The following PRKD1 variants were observed in gnomAD, a reference collection of about 807,000 sequenced individuals.
The protein encoded by PRKD1 is serine/threonine-protein kinase D1.
In PRKD1, 63 loss-of-function variants were observed where a neutral mutation model predicts 95.9. That is an observed-to-expected ratio of 0.66 (90% CI 0.54 to 0.81). PRKD1 has a LOEUF of 0.81. PRKD1 is among the 30% of genes least tolerant of loss of function. PRKD1 has a pLI of 0.00. For synonymous variants in PRKD1, 425 were observed against 423.1 expected (o/e 1.00, Z -0.05); for missense variants, 1,048 against 1,165.3 (o/e 0.90, Z 1.47).
At chr14:29,676,030 A>G (rs890809371) in intron 2 of PRKD1, among the ~76,000 whole-genome samples, 8 of 151,152 alleles carry the variant, frequency 5.3e-5, no homozygotes, top group African/African-American at 1.7e-4. Context: ...CCTAATGTAA[A>G]TGACGCGTTA....
intron 2 of PRKD1, among the ~76,000 whole-genome samples, chr14:29,675,997 G>A (rs1479832716): frequency 8.8e-6 from 1 of 114,154 alleles, no homozygotes; most frequent in African/African-American, 3.3e-5. Flanking sequence ...GGGGTGGGGG[G>A]AGGGATAACA....
At chr14:29,922,117 C>T (rs541797028) in intron 1 of PRKD1, among the ~76,000 whole-genome samples, 5 of 151,684 alleles carry the variant, frequency 3.3e-5, no homozygotes, top group East Asian at 3.9e-4. Context: ...CTGGATAACA[C>T]GGTGAAACCC....
chr14:29,826,722 C>CAT (rs1214723122), intron 1 of PRKD1, among the ~76,000 whole-genome samples: 2 of 67,146 alleles, frequency 3.0e-5, no homozygotes, highest in Admixed American at 1.9e-4. Flanking sequence ...TATATATATA[C>CAT]ATATATATAC....
intron 1 of PRKD1, among the ~76,000 whole-genome samples, chr14:29,783,569 C>T (rs1400821295): frequency 1.3e-5 from 2 of 152,172 alleles, no homozygotes; most frequent in African/African-American, 4.8e-5. Flanking sequence ...TTCTAAGAAG[C>T]CTCCATACAT....
intron 1 of PRKD1, among the ~76,000 whole-genome samples, chr14:29,791,033 G>A (rs1025748455): frequency 2.0e-5 from 3 of 152,108 alleles, no homozygotes; most frequent in African/African-American, 7.2e-5. Flanking sequence ...ACTCACATGT[G>A]TGGAAAACCA....
chr14:29,689,499 A>C (rs1884104453), intron 2 of PRKD1, among the ~76,000 whole-genome samples: 1 of 152,170 alleles, frequency 6.6e-6, no homozygotes, highest in Non-Finnish European at 1.5e-5. Flanking sequence ...TGCAGAGAAA[A>C]AGGAACACTT....
intron 1 of PRKD1, among the ~76,000 whole-genome samples, chr14:29,850,604 C>G (rs558459743): frequency 1.3e-5 from 2 of 151,938 alleles, no homozygotes; most frequent in Non-Finnish European, 2.9e-5. Context: ...GAAAAACACT[C>G]CTGCTCATGG....
At chr14:29,895,604 G>A (rs1167690501) in intron 1 of PRKD1, among the ~76,000 whole-genome samples, 1 of 152,068 alleles carries the variant, frequency 6.6e-6, no homozygotes, top group African/African-American at 2.4e-5. Context: ...AGTGTCCCGC[G>A]AGGCCCTTGG....
intron 16 of PRKD1, among the ~76,000 whole-genome samples, chr14:29,590,236 G>C (rs1290874225): frequency 6.6e-6 from 1 of 152,168 alleles, no homozygotes; most frequent in Non-Finnish European, 1.5e-5. Flanking sequence ...CATCACAGAT[G>C]AATAATTTCA....
At position 29,801,695 on chromosome 14, in the gene PRKD1, GT is replaced by G. The variant is rs899095529; in HGVS notation, c.265-76022del. Among the ~76,000 whole-genome samples the G allele has an allele frequency of 2.0e-3, 289 of 146,732 alleles. 3 individuals are homozygous for G. Among genetic ancestry groups the G allele is most frequent in the Admixed American group, 1.0e-2 (147 of 14,706 alleles). On this transcript the variant is annotated intron_variant, in intron 1 of 17. Coordinates refer to ENST00000331968, the MANE Select transcript of PRKD1 (RefSeq NM_002742.3). ...GTAACTATGCTATTAGGGTCTACGT[GT>G]TTTTTTTTTTAGATGGAGTTTCGCT...
In PRKD1 at chr14:29,608,427, T is replaced by C. The variant is rs186791017; in HGVS notation, c.1906-8610A>G. 2.2e-3 allele frequency among the ~76,000 whole-genome samples: 339 copies of C among 152,242 alleles called. 2 individuals are homozygous for C. Among genetic ancestry groups the C allele is most frequent in the African/African-American group, 7.8e-3 (324 of 41,562 alleles). On this transcript the variant is annotated intron_variant, in intron 13 of 17. Coordinates refer to ENST00000331968, the MANE Select transcript of PRKD1 (RefSeq NM_002742.3). Reference sequence around the variant, plus strand: ...TTTATATTAACATAAAAGTCTTTTATTTTATTCTTATGCTGATATATAAGG... The same window carrying C: ...TTTATATTAACATAAAAGTCTTTTACTTTATTCTTATGCTGATATATAAGG...
chr14:29,864,132 CATTA>C (rs1408478826), intron 1 of PRKD1, among the ~76,000 whole-genome samples: 1 of 152,028 alleles, frequency 6.6e-6, no homozygotes, highest in Non-Finnish European at 1.5e-5. Context: ...AACTTAGCCA[CATTA>C]ATTAAAACAT....
At chr14:29,622,294 C>T (rs10146238) in intron 13 of PRKD1, among the ~76,000 whole-genome samples, 3,109 of 152,162 alleles carry the variant, frequency 0.02, 93 homozygotes, top group African/African-American at 0.07. Context: ...TACAGGTCCA[C>T]GGCCTGGGGA....
At chr14:29,892,695 T>C (rs979765345) in intron 1 of PRKD1, among the ~76,000 whole-genome samples, 1 of 152,160 alleles carries the variant, frequency 6.6e-6, no homozygotes, top group African/African-American at 2.4e-5. Flanking sequence ...ACATAGTACC[T>C]TCAGAAGTGG....
chr14:29,682,561 C>T (rs1883596911), intron 2 of PRKD1, among the ~76,000 whole-genome samples: 1 of 152,170 alleles, frequency 6.6e-6, no homozygotes, highest in Non-Finnish European at 1.5e-5. Flanking sequence ...CTTTATGTTT[C>T]CCACTGCATT....
intron 2 of PRKD1, among the ~76,000 whole-genome samples, chr14:29,692,083 C>T (rs920354864): frequency 1.3e-5 from 2 of 152,100 alleles, no homozygotes; most frequent in African/African-American, 4.8e-5. Context: ...TTAACACACA[C>T]TTTGAGTCCA....
chr14:29,738,944 T>C (rs867333125), intron 1 of PRKD1, among the ~76,000 whole-genome samples: 16 of 152,060 alleles, frequency 1.1e-4, no homozygotes, highest in Non-Finnish European at 1.5e-4. Flanking sequence ...TGAGTGATTC[T>C]TCTGCCTCAG....
rs758981036 is a variant in PRKD1, at chr14:29,634,452, CCTT to C, written c.1277_1279del (p.Glu426del). On this transcript the variant is annotated inframe_deletion, in exon 8 of 18. Coordinates refer to ENST00000331968, the MANE Select transcript of PRKD1 (RefSeq NM_002742.3). ...CTTGCTGGTGTAGTGGACCATCCAT[CCTT>C]CTTTCATGACTGTGCTGCTTTTCCT... is the stretch of plus-strand genomic sequence containing the variant. 2.2e-5 allele frequency: 36 copies of C among 1,613,984 alleles called. No individual in the cohort carries two copies. Among genetic ancestry groups the C allele is most frequent in the Non-Finnish European group, 3.0e-5 (35 of 1,179,980 alleles).
At chr14:29,693,641 AC>A (rs1196827322) in intron 2 of PRKD1, among the ~76,000 whole-genome samples, 6 of 107,120 alleles carry the variant, frequency 5.6e-5, no homozygotes, top group South Asian at 3.2e-4. Context: ...AAAAAAAAAA[AC>A]AACAACAACA....
Sources: gnomAD v4.1 joint callset for allele counts (sites outside exome capture counted in the v4.1 genomes callset) on GRCh38, gnomAD v4.1.1 for gene constraint, MANE v1.5 for transcripts, NCBI Gene and HGNC (gene_info 2026-07-23, HGNC 2026-07-21) for gene names.